The following ERMARD variants were observed in gnomAD, a reference collection of about 807,000 sequenced individuals.
ERMARD encodes the protein endoplasmic reticulum membrane-associated RNA degradation protein.
A neutral mutation model predicts 83.9 loss-of-function variants in ERMARD; 71 were observed. The ratio of observed to expected loss-of-function variants is 0.85; its 90% CI spans 0.70 to 1.03. The LOEUF is 1.03. Among genes scored for constraint, ERMARD ranks in the 50% least tolerant of loss-of-function variants. ERMARD has a pLI of 0.00. For missense variants in ERMARD, 838 were observed against 810.9 expected (o/e 1.03, Z -0.41); for synonymous variants, 284 against 298.6 (o/e 0.95, Z 0.50).
intron 9 of ERMARD, among the ~76,000 whole-genome samples, chr6:169,763,734 A>G (rs1235385885): frequency 2.0e-5 from 3 of 152,142 alleles, no homozygotes; most frequent in African/African-American, 7.2e-5. Context: ...TCTGCCTTAC[A>G]TTTTCATCTC....
intron 5 of ERMARD, 126 bp from the exon 6 acceptor site, chr6:169,758,842 T>A (rs1791152911): frequency 4.2e-6 from 3 of 720,676 alleles, no homozygotes; most frequent in Non-Finnish European, 6.9e-6. Context: ...GTTTTATTAT[T>A]ACTGCTATAT....
At chr6:169,768,309 C>G in intron 11 of ERMARD, 138 bp downstream of exon 11, 1 of 740,816 alleles carries the variant, frequency 1.3e-6, no homozygotes, top group Non-Finnish European at 2.2e-6. Context: ...GTCTCAGCTT[C>G]AGCCACCAAT....
intron 10 of ERMARD, chr6:169,767,468 A>C (rs1031280876): frequency 1.3e-5 from 2 of 152,816 alleles, no homozygotes; most frequent in African/African-American, 4.8e-5. Context: ...TAATGTGTAC[A>C]CAAACAACAC....
chr6:169,756,328 T>C lies in ERMARD; in HGVS notation c.316-10T>C. On this transcript the variant is annotated splice_polypyrimidine_tract_variant and intron_variant, in intron 3 of 17. Coordinates refer to ENST00000366773, the MANE Select transcript of ERMARD (RefSeq NM_018341.3). ...AGTGTACATCCTAATATGTGTTTTA[T>C]TGTAAATAGTTATTTCCTGAAATAT... is the stretch of plus-strand genomic sequence containing the variant. 6.4e-7 allele frequency: 1 copy of C among 1,550,848 alleles called. No homozygotes were observed. The highest frequency in any genetic ancestry group is 1.7e-4 in the Middle Eastern group (1 of 5,870).
rs1794185763 is a variant in ERMARD, at chr6:169,781,428, C to T, written c.1952C>T (p.Ala651Val). 1 of 1,612,728 alleles carries T rather than the reference C, an allele frequency of 6.2e-7. No individual in the cohort carries two copies. The highest frequency in any genetic ancestry group is 8.5e-7 in the Non-Finnish European group (1 of 1,179,610). The part of the protein sequence containing the change: ...WNETINLTHT[A>V]LLKMWTFSEK... ...GAAACTATCAATCTTACACATACAGCTTTGTTGAAAATGTGGACTTTTAGT... is the reference window on the plus strand; with the variant it reads ...GAAACTATCAATCTTACACATACAGTTTTGTTGAAAATGTGGACTTTTAGT... Residue 651 changes from alanine (A) to valine (V), a missense_variant, in exon 18 of 18, where the codon GCT becomes GTT. By Grantham distance (64) the Ala-to-Val change is moderately conservative. Coordinates refer to ENST00000366773, the MANE Select transcript of ERMARD (RefSeq NM_018341.3).
intron 17 of ERMARD, among the ~76,000 whole-genome samples, chr6:169,780,960 A>G (rs1794137996): frequency 6.6e-6 from 1 of 152,092 alleles, no homozygotes; most frequent in Non-Finnish European, 1.5e-5. Flanking sequence ...TATCCACTAG[A>G]TGACTGTATA....
Position 169,775,365 on chromosome 6 carries a change from C to T in ERMARD, c.1394+19C>T. The T allele has an allele frequency of 6.2e-7, 1 of 1,613,358 alleles. No homozygotes were observed. The highest frequency in any genetic ancestry group is 1.1e-5 in the South Asian group (1 of 90,978). ...CCGTCAGGTGCGTGGCATCCTGGGG[C>T]CTGGCTGACCTCAAGCTTGTCTGGT... On this transcript the variant is annotated intron_variant, in intron 14 of 17. Coordinates refer to ENST00000366773, the MANE Select transcript of ERMARD (RefSeq NM_018341.3).
In ERMARD at chr6:169,776,660, C is replaced by T. The variant is rs530707025; in HGVS notation, c.1726C>T (p.Arg576Cys). Residue 576 changes from arginine (R) to cysteine (C), a missense_variant, in exon 16 of 18, where the codon CGT (arginine) becomes TGT (cysteine). Coordinates refer to ENST00000366773, the MANE Select transcript of ERMARD (RefSeq NM_018341.3). ...GTCTCGCCAGCGGCAGAACTACCTG[C>T]GTATGTGGAGTAGGTGCGCGCTCAC... ...LRSRQRQNYLRMWSSIRLLSP... is the reference protein window; with the variant it reads ...LRSRQRQNYLCMWSSIRLLSP... 1.2e-5 allele frequency: 20 copies of T among 1,613,720 alleles called. No homozygotes were observed. In the East Asian group the frequency reaches 2.7e-4, roughly 22 times the overall value.
At chr6:169,768,008 G>A in intron 10 of ERMARD, 95 bp from the exon 11 acceptor site, 1 of 983,424 alleles carries the variant, frequency 1.0e-6, no homozygotes, top group Non-Finnish European at 1.6e-6. Context: ...TAGATAACAA[G>A]TTAGGCTAAA....
intron 16 of ERMARD, 111 bp downstream of exon 16, chr6:169,776,784 A>G (rs1793659530): frequency 1.6e-6 from 2 of 1,268,734 alleles, no homozygotes; most frequent in South Asian, 1.4e-5. Flanking sequence ...ACTGAACCCC[A>G]TCGACAGGTG....
intron 14 of ERMARD, among the ~76,000 whole-genome samples, chr6:169,775,674 A>G (rs1300847411): frequency 3.3e-5 from 5 of 152,242 alleles, no homozygotes; most frequent in Non-Finnish European, 7.3e-5. Flanking sequence ...TAAATTCTGG[A>G]ATCGTAAACA....
intron 1 of ERMARD, among the ~76,000 whole-genome samples, chr6:169,752,636 C>T (rs1280787743): frequency 1.3e-5 from 2 of 152,152 alleles, no homozygotes; most frequent in African/African-American, 4.8e-5. Context: ...TAGCAGTTTC[C>T]ACATTAGGAA....
rs1793527339 is a variant in ERMARD, at chr6:169,775,870, ATTC to A, written c.1395-67_1395-65del. ...GTCGCTGCTCAGTGAACCATTGAAC[ATTC>A]TTGTGCACAGGCACTGATGTGAGCA... On this transcript the variant is annotated intron_variant, in intron 14 of 17. Coordinates refer to ENST00000366773, the MANE Select transcript of ERMARD (RefSeq NM_018341.3). The A allele has an allele frequency of 5.8e-6, 9 of 1,564,470 alleles. No individual in the cohort carries two copies. In the South Asian group the frequency reaches 7.1e-5, roughly 12 times the overall value.
chr6:169,775,533 G>C (rs951949249), intron 14 of ERMARD, among the ~76,000 whole-genome samples, 187 bp downstream of exon 14: 2 of 152,254 alleles, frequency 1.3e-5, no homozygotes, highest in African/African-American at 4.8e-5. Flanking sequence ...CTGGCATGGG[G>C]CCCTGGTGGA....
At position 169,769,585 on chromosome 6, in the gene ERMARD, A is replaced by C; in HGVS notation, c.1105A>C (p.Arg369=). Residue 369 remains arginine, a synonymous_variant, in exon 12 of 18, where the codon AGA becomes CGA. Coordinates refer to ENST00000366773, the MANE Select transcript of ERMARD (RefSeq NM_018341.3). Reference sequence around the variant, plus strand: ...GAACCATCAGGAGGGTCCCCGCATAAGAGATCATTTAAGCCACGGGGAGAT... The same window carrying C: ...GAACCATCAGGAGGGTCCCCGCATACGAGATCATTTAAGCCACGGGGAGAT... The part of the protein sequence containing the change: ...FLNHQEGPRI[R]DHLSHGEINL... 6.2e-7 allele frequency: 1 copy of C among 1,612,642 alleles called. No homozygotes were observed.
In ERMARD at chr6:169,765,797, A is replaced by G. The variant is rs148460950; in HGVS notation, c.961-841A>G. ...CTAGCTTACACAAAATCCTGATTTC[A>G]TCACATCACACCGCATGGCCCTACA... On this transcript the variant is annotated intron_variant, in intron 9 of 17. Transcript: ENST00000366773. Among the ~76,000 whole-genome samples, 12 of 152,362 alleles carry G rather than the reference A, an allele frequency of 7.9e-5. No homozygotes were observed. In the East Asian group the frequency reaches 2.3e-3, roughly 29 times the overall value.
intron 9 of ERMARD, among the ~76,000 whole-genome samples, chr6:169,763,888 C>T (rs1474885186): frequency 6.6e-6 from 1 of 152,274 alleles, no homozygotes; most frequent in Non-Finnish European, 1.5e-5. Context: ...CTCACTGACC[C>T]CCATCTGATC....
chr6:169,756,457 T>A lies in ERMARD; in HGVS notation c.417+18T>A. 1 of 1,517,356 alleles carries A rather than the reference T, an allele frequency of 6.6e-7. No individual in the cohort carries two copies. Among genetic ancestry groups the A allele is most frequent in the Non-Finnish European group, 9.1e-7 (1 of 1,103,432 alleles). The allele number at this position is 1,517,356 out of a possible 1,614,324, so 94.0% of individuals were successfully genotyped here. A position where few individuals can be genotyped will look rare whatever the true frequency, so the allele number is the denominator to read the frequency against. ...TGGGTGATGTAAGTGTGAGAACTCTTTCATTATTGGCCCATTAAATTATCT... is the reference window on the plus strand; with the variant it reads ...TGGGTGATGTAAGTGTGAGAACTCTATCATTATTGGCCCATTAAATTATCT... On this transcript the variant is annotated intron_variant, in intron 4 of 17. Coordinates refer to ENST00000366773, the MANE Select transcript of ERMARD (RefSeq NM_018341.3).
At chr6:169,762,198 G>A (rs1449258893) in intron 8 of ERMARD, among the ~76,000 whole-genome samples, 1 of 152,056 alleles carries the variant, frequency 6.6e-6, no homozygotes, top group Admixed American at 6.6e-5. Flanking sequence ...CAATCCTCCC[G>A]CCTCAGCCTC....
Sources: allele counts gnomAD v4.1 joint callset (sites outside exome capture counted in the v4.1 genomes callset), GRCh38; gene constraint gnomAD v4.1.1; transcripts MANE v1.5; gene names NCBI Gene and HGNC (gene_info 2026-07-23, HGNC 2026-07-21).